Variants in MFF observed in about 807,000 individuals in gnomAD.
MFF encodes mitochondrial fission factor.
Under a neutral mutation model 36.9 loss-of-function variants are expected in MFF, and 12 were observed. That is an observed-to-expected ratio of 0.33 (90% CI 0.21 to 0.53). The LOEUF is 0.53. Ranked by LOEUF, MFF falls within the 20% of genes least tolerant of loss-of-function variation. The pLI is 0.95. For synonymous variants in MFF, 99 were observed against 126.2 expected, an observed-to-expected ratio of 0.78 and a Z score of 1.44; for missense variants, 348 against 366.6, an observed-to-expected ratio of 0.95 and a Z score of 0.42.
At chr2:227,333,304 G>A (rs2074738477) in intron 4 of MFF, among the ~76,000 whole-genome samples, 2 of 152,150 alleles carry the variant, frequency 1.3e-5, no homozygotes, top group African/African-American at 4.8e-5. Flanking sequence ...AGAGGGTAAA[G>A]CACCCATACT....
At chr2:227,354,058 C>T (rs1438222304) in intron 7 of MFF, among the ~76,000 whole-genome samples, 1 of 152,122 alleles carries the variant, frequency 6.6e-6, no homozygotes, top group African/African-American at 2.4e-5. Flanking sequence ...TATAATTACC[C>T]TAACTGCTCC....
At chr2:227,347,711 A>G (rs985303950) in intron 6 of MFF, among the ~76,000 whole-genome samples, 6 of 152,244 alleles carry the variant, frequency 3.9e-5, no homozygotes, top group Non-Finnish European at 5.9e-5. Flanking sequence ...ATTGAGTGTT[A>G]GACTGAAGTT....
rs1170443804 is a variant in MFF at position 227,333,469 on chromosome 2, T to C, written c.351+881T>C. Among the ~76,000 whole-genome samples the C allele has an allele frequency of 2.0e-5, 3 of 152,216 alleles. No individual in the cohort carries two copies. The East Asian group carries it at 5.8e-4, about 29-fold the overall frequency. ...TTTACATGACAGAAAGGCACTAACA[T>C]ACTTGCAGAATTGTATTATTTAACA... On this transcript the variant is annotated intron_variant, in intron 4 of 8. Transcript: ENST00000304593.
chr2:227,337,029 T>G (rs2075057603), intron 4 of MFF, among the ~76,000 whole-genome samples: 1 of 152,218 alleles, frequency 6.6e-6, no homozygotes. Flanking sequence ...TCTTTTTCCT[T>G]CCTCATCACT....
At position 227,357,735 on chromosome 2, in the gene MFF, C is replaced by CTTT. The variant is rs144711410; in HGVS notation, c.*619_*620insTTT. The CTTT allele has an allele frequency of 0.031, 4,793 of 152,318 alleles. 123 individuals carry two copies. Among genetic ancestry groups the CTTT allele is most frequent in the Admixed American group, 0.044 (667 of 15,300 alleles). 9.4% of individuals were successfully genotyped at this position (152,318 alleles called of 1,614,324 possible). ...TCATTTTAGTTTTGCACTTGGTTTT[C>CTTT]TATAAAGTACGTTTTTACTCAGTTC... is the stretch of plus-strand genomic sequence containing the variant. On this transcript the variant is annotated 3_prime_UTR_variant, in exon 9 of 9. Transcript: ENST00000304593.
At position 227,357,124 on chromosome 2, in the gene MFF, C is replaced by T; in HGVS notation, c.*7C>T. 6.2e-7 allele frequency: 1 copy of T among 1,608,894 alleles called. No individual in the cohort carries two copies. The highest frequency in any genetic ancestry group is 8.5e-7 in the Non-Finnish European group (1 of 1,179,030). On this transcript the variant is annotated 3_prime_UTR_variant, in exon 9 of 9. Coordinates refer to ENST00000304593, the MANE Select transcript of MFF (RefSeq NM_001277062.2). ...GCTCTGGTTTCGCCGCTAGAGGTAA[C>T]ATCAGCCCTCAAAAATACTGTCTCA...
chr2:227,329,354 A>G (rs1429322259), intron 2 of MFF: 4 of 206,560 alleles, frequency 1.9e-5, no homozygotes, highest in African/African-American at 4.8e-5. Context: ...ACATTTGTAT[A>G]TACATTTGAT....
intron 4 of MFF, among the ~76,000 whole-genome samples, chr2:227,333,121 A>G (rs1285748020): frequency 6.6e-6 from 1 of 152,230 alleles, no homozygotes; most frequent in Non-Finnish European, 1.5e-5. Context: ...ACTTACAGCT[A>G]ACCTTTGAAG....
In MFF at chr2:227,357,758, T is replaced by C. The variant is rs1042458681; in HGVS notation, c.*641T>C. The C allele has an allele frequency of 1.3e-5, 2 of 152,264 alleles. No individual in the cohort carries two copies. The highest frequency in any genetic ancestry group is 4.8e-5 in the African/African-American group (2 of 41,462). The allele number at this position is 152,264 out of a possible 1,614,324, so 9.4% of individuals were successfully genotyped here. ...TTCTATAAAGTACGTTTTTACTCAG[T>C]TCATGCGTGAACAATTTAAAAAACG... On this transcript the variant is annotated 3_prime_UTR_variant, in exon 9 of 9. Coordinates refer to ENST00000304593, the MANE Select transcript of MFF (RefSeq NM_001277062.2).
chr2:227,348,661 CAGTT>C (rs1398240613), intron 6 of MFF, among the ~76,000 whole-genome samples: 1 of 152,136 alleles, frequency 6.6e-6, no homozygotes, highest in Non-Finnish European at 1.5e-5. Flanking sequence ...TTCAGGGAGT[CAGTT>C]AGAATTAACC....
intron 5 of MFF, among the ~76,000 whole-genome samples, chr2:227,343,150 C>A (rs1407056350): frequency 6.6e-6 from 1 of 151,622 alleles, no homozygotes. Flanking sequence ...TTCAACGTCA[C>A]CTGGTGCAGT....
chr2:227,344,068 A>T (rs2075571463), intron 5 of MFF, among the ~76,000 whole-genome samples: 2 of 152,174 alleles, frequency 1.3e-5, no homozygotes, highest in African/African-American at 4.8e-5. Flanking sequence ...GATTATAGGC[A>T]TGAGCCACTG....
chr2:227,351,899 C>T (rs532271125), intron 6 of MFF: 5 of 152,436 alleles, frequency 3.3e-5, no homozygotes, highest in South Asian at 2.1e-4. Flanking sequence ...TGCTCTAGCA[C>T]GTCTCCTGAT....
At position 227,355,753 on chromosome 2, in the gene MFF, A is replaced by C. The variant is rs757743203; in HGVS notation, c.736A>C (p.Arg246=). The change falls in exon 8 of 9, where the codon AGA becomes CGA. Residue 246 remains arginine, a synonymous_variant. Coordinates refer to ENST00000304593, the MANE Select transcript of MFF (RefSeq NM_001277062.2). The part of the protein sequence containing the change: ...DLTVVDAASL[R]RQIIKLNRRL... ...GACTGTTGTAGATGCAGCTTCACTA[A>C]GACGACAGGTATTTAGTGTACCAAA... The C allele has an allele frequency of 2.1e-5, 33 of 1,595,284 alleles. No individual in the cohort carries two copies. The highest frequency in any genetic ancestry group is 2.7e-5 in the Non-Finnish European group (31 of 1,163,294).
intron 5 of MFF, among the ~76,000 whole-genome samples, chr2:227,344,552 A>C (rs1489128510): frequency 6.6e-6 from 1 of 152,188 alleles, no homozygotes; most frequent in Non-Finnish European, 1.5e-5. Flanking sequence ...AAATACCAAC[A>C]AGACTGCTTA....
intron 1 of MFF, among the ~76,000 whole-genome samples, chr2:227,327,361 C>T (rs1296094942): frequency 6.6e-6 from 1 of 152,124 alleles, no homozygotes; most frequent in Admixed American, 6.6e-5. Flanking sequence ...ATTAACATAT[C>T]AACACCAAAT....
intron 5 of MFF, among the ~76,000 whole-genome samples, chr2:227,340,856 G>C (rs537255005): frequency 6.6e-6 from 1 of 152,126 alleles, no homozygotes; most frequent in Non-Finnish European, 1.5e-5. Context: ...GCTACCACAA[G>C]ATTATTAATG....
Position 227,357,215 on chromosome 2 carries a change from T to C in MFF, c.*98T>C. 7.8e-7 allele frequency: 1 copy of C among 1,286,742 alleles called. No homozygotes were observed. The highest frequency in any genetic ancestry group is 1.4e-5 in the South Asian group (1 of 73,628). 79.7% of individuals were successfully genotyped at this position (1,286,742 alleles called of 1,614,324 possible). A position where few individuals can be genotyped will look rare whatever the true frequency, so the allele number is the denominator to read the frequency against. The stretch of plus-strand genomic sequence containing the variant: ...TGTCTCTGCATTGTATGCCATTTTA[T>C]AGTCCACACCCTGAAAATGTATTTC... On this transcript the variant is annotated 3_prime_UTR_variant, in exon 9 of 9. Coordinates refer to ENST00000304593, the MANE Select transcript of MFF (RefSeq NM_001277062.2).
chr2:227,338,453 T>C (rs1237390198), intron 4 of MFF, among the ~76,000 whole-genome samples: 3 of 152,000 alleles, frequency 2.0e-5, no homozygotes, highest in Non-Finnish European at 2.9e-5. Flanking sequence ...TCAATAAATA[T>C]TGATTGATAT....
Sources: allele counts gnomAD v4.1 joint callset (sites outside exome capture counted in the v4.1 genomes callset), GRCh38; gene constraint gnomAD v4.1.1; transcripts MANE v1.5; gene names NCBI Gene and HGNC (gene_info 2026-07-23, HGNC 2026-07-21).